Variants in SIPA1L1 observed in about 807,000 individuals in gnomAD.
SIPA1L1 encodes the protein signal-induced proliferation-associated 1-like protein 1.
Under a neutral mutation model 162.7 loss-of-function variants are expected in SIPA1L1, and 26 were observed. The observed-to-expected ratio is 0.16, with a 90% CI of 0.12 to 0.22. The LOEUF is 0.22. SIPA1L1 is among the 10% of genes least tolerant of loss of function. The pLI is 1.00. For synonymous variants in SIPA1L1, 829 were observed against 837.4 expected (o/e 0.99, Z 0.17); for missense variants, 1,874 against 2,241.0 (o/e 0.84, Z 3.31).
intron 2 of SIPA1L1, among the ~76,000 whole-genome samples, chr14:71,422,425 T>C (rs1330620279): frequency 1.3e-5 from 2 of 152,182 alleles, no homozygotes; most frequent in Admixed American, 1.3e-4. Flanking sequence ...TCTTCATAAC[T>C]CTTTTCATTT....
chr14:71,544,172 T>TGCACGTGTGTGTATATATACATATGC (rs1465812495), intron 4 of SIPA1L1, among the ~76,000 whole-genome samples: 10 of 151,518 alleles, frequency 6.6e-5, no homozygotes, highest in African/African-American at 2.4e-4. Flanking sequence ...TGTACATATA[T>TGCACGTGTGTGTATATATACATATGC]GCACGTGTGT....
At chr14:71,636,976 G>A (rs561300905) in intron 7 of SIPA1L1, among the ~76,000 whole-genome samples, 13 of 151,388 alleles carry the variant, frequency 8.6e-5, no homozygotes, top group African/African-American at 2.9e-4. Context: ...ATTTGAACCC[G>A]GGAGGCAGGG....
At chr14:71,532,584 A>T (rs1438211416) in intron 4 of SIPA1L1, among the ~76,000 whole-genome samples, 1 of 152,208 alleles carries the variant, frequency 6.6e-6, no homozygotes, top group Admixed American at 6.5e-5. Flanking sequence ...GCCATAGACC[A>T]TTTAGTCTGG....
chr14:71,476,949 C>G (rs1448243476), intron 2 of SIPA1L1, among the ~76,000 whole-genome samples: 1 of 152,050 alleles, frequency 6.6e-6, no homozygotes, highest in African/African-American at 2.4e-5. Flanking sequence ...AACTCTTCTA[C>G]CTCGCTCAAA....
chr14:71,710,853 TAGAG>T (rs1171869312), intron 17 of SIPA1L1, among the ~76,000 whole-genome samples: 2 of 146,286 alleles, frequency 1.4e-5, no homozygotes, highest in Non-Finnish European at 3.0e-5. Context: ...AGAAAAGTAA[TAGAG>T]AGGCTTAATT....
chr14:71,631,894 G>A (rs767595063), intron 7 of SIPA1L1, among the ~76,000 whole-genome samples: 3 of 152,102 alleles, frequency 2.0e-5, no homozygotes, highest in Non-Finnish European at 4.4e-5. Flanking sequence ...TTATCTTCAG[G>A]AAGTAGTTAA....
chr14:71,555,627 T>A (rs1399284646), intron 4 of SIPA1L1, among the ~76,000 whole-genome samples: 1 of 152,236 alleles, frequency 6.6e-6, no homozygotes, highest in East Asian at 1.9e-4. Context: ...CAATCCTAGC[T>A]TTCAGCCTCT....
chr14:71,535,652 C>T (rs891648213), intron 4 of SIPA1L1, among the ~76,000 whole-genome samples: 1 of 151,828 alleles, frequency 6.6e-6, no homozygotes, highest in African/African-American at 2.4e-5. Flanking sequence ...CAGTCTGTCA[C>T]CTAGGCTGGT....
chr14:71,560,303 C>T (rs879863697), intron 4 of SIPA1L1, among the ~76,000 whole-genome samples: 3 of 152,174 alleles, frequency 2.0e-5, no homozygotes, highest in Non-Finnish European at 4.4e-5. Context: ...CCCCAGAAAT[C>T]AACAGTCCAG....
chr14:71,668,077 A>C (rs2044189816), intron 10 of SIPA1L1, among the ~76,000 whole-genome samples: 1 of 151,990 alleles, frequency 6.6e-6, no homozygotes, highest in Admixed American at 6.6e-5. Flanking sequence ...AAAAAAAAAA[A>C]GTCTTTGGAA....
At chr14:71,717,653 C>A (rs1176735052) in intron 17 of SIPA1L1, among the ~76,000 whole-genome samples, 1 of 152,110 alleles carries the variant, frequency 6.6e-6, no homozygotes, top group African/African-American at 2.4e-5. Context: ...AAGCTGATAG[C>A]TTCATGGTAG....
At chr14:71,557,460 T>A (rs947905277) in intron 4 of SIPA1L1, among the ~76,000 whole-genome samples, 3 of 152,222 alleles carry the variant, frequency 2.0e-5, no homozygotes, top group African/African-American at 7.2e-5. Flanking sequence ...TTGCTGCTGA[T>A]CATGGTTACT....
At chr14:71,589,439 A>G in intron 5 of SIPA1L1, 69 bp downstream of exon 5, 1 of 894,794 alleles carries the variant, frequency 1.1e-6, no homozygotes, top group Non-Finnish European at 1.7e-6. Flanking sequence ...ACTGTATATT[A>G]AGATATTTAT....
intron 7 of SIPA1L1, among the ~76,000 whole-genome samples, chr14:71,639,369 T>G (rs984970627): frequency 2.0e-5 from 3 of 152,176 alleles, no homozygotes; most frequent in African/African-American, 7.2e-5. Flanking sequence ...ATGATCATCC[T>G]GCTACACTCT....
chr14:71,544,057 ATGTATATACACACGCACGCACATGTATG>A (rs2054827128), intron 4 of SIPA1L1, among the ~76,000 whole-genome samples: 4 of 151,350 alleles, frequency 2.6e-5, no homozygotes, highest in Admixed American at 2.6e-4. Flanking sequence ...ACGCACATGT[ATGTATATACACACGCACGCACATGTATG>A]TATATACACA....
At chr14:71,689,114 A>G (rs371967919) in intron 13 of SIPA1L1, among the ~76,000 whole-genome samples, 1 of 152,242 alleles carries the variant, frequency 6.6e-6, no homozygotes, top group African/African-American at 2.4e-5. Flanking sequence ...AACAAAAAAA[A>G]TAAATCTGCA....
At chr14:71,676,025 G>A (rs1316573320) in intron 12 of SIPA1L1, among the ~76,000 whole-genome samples, 2 of 148,962 alleles carry the variant, frequency 1.3e-5, no homozygotes, top group African/African-American at 4.9e-5. Context: ...GGGAGGCCGA[G>A]GCTGGTGAAT....
intron 2 of SIPA1L1, among the ~76,000 whole-genome samples, chr14:71,459,332 TA>T (rs1396304742): frequency 6.6e-6 from 1 of 152,124 alleles, no homozygotes; most frequent in East Asian, 1.9e-4. Flanking sequence ...CACGACGGTA[TA>T]GTGGTAATCC....
intron 10 of SIPA1L1, among the ~76,000 whole-genome samples, chr14:71,662,371 C>G (rs974851586): frequency 1.3e-5 from 2 of 152,220 alleles, no homozygotes; most frequent in Non-Finnish European, 2.9e-5. Flanking sequence ...TGCACATATC[C>G]TAATAACTGC....
Sources: allele counts gnomAD v4.1 joint callset (sites outside exome capture counted in the v4.1 genomes callset), GRCh38; gene constraint gnomAD v4.1.1; transcripts MANE v1.5; gene names NCBI Gene and HGNC (gene_info 2026-07-23, HGNC 2026-07-21).